The following PC variants were observed in gnomAD, a reference collection of about 807,000 sequenced individuals.
PC encodes the protein pyruvate carboxylase, mitochondrial.
In PC, 46 loss-of-function variants were observed where a neutral mutation model predicts 107.8. The ratio of observed to expected loss-of-function variants is 0.43; its 90% confidence interval spans 0.34 to 0.55. The LOEUF (loss-of-function observed/expected upper bound fraction) is 0.55, where lower values mean the gene tolerates loss of function less well. PC is among the 20% of genes least tolerant of loss of function. The probability of loss-of-function intolerance (pLI) is 0.04; values close to 1 mark genes in which losing one functional copy is unlikely to be tolerated. For synonymous variants in PC, 662 were observed against 684.7 expected, an observed-to-expected ratio of 0.97 and a Z score of 0.52; for missense variants, 1,241 against 1,643.1, an observed-to-expected ratio of 0.76 and a Z score of 4.23.
intron 9 of PC, 22 bp from the exon 10 acceptor site, chr11:66,868,986 C>T: frequency 1.3e-6 from 2 of 1,572,122 alleles, no homozygotes; most frequent in Non-Finnish European, 1.8e-6. Context: ...GCCACGTGAG[C>T]AGGGGAGGGC....
chr11:66,955,503 G>A (rs912885127), intron 1 of PC, among the ~76,000 whole-genome samples: 1 of 152,212 alleles, frequency 6.6e-6, no homozygotes, highest in Non-Finnish European at 1.5e-5. Context: ...GCGGGCTTCA[G>A]TAGAAAGACA....
chr11:66,943,878 A>G (rs568522096), intron 3 of PC, among the ~76,000 whole-genome samples: 3 of 148,396 alleles, frequency 2.0e-5, no homozygotes, highest in Non-Finnish European at 3.0e-5. Context: ...CAGCTAATAG[A>G]GAGGCTGAGG....
At chr11:66,860,311 C>T (rs1186156830) in intron 12 of PC, 6 of 1,420,270 alleles carry the variant, frequency 4.2e-6, no homozygotes, top group African/African-American at 2.8e-5. Context: ...CCTCAGGCTC[C>T]CCTGTGTACT....
chr11:66,948,012 A>AAGATAGATAGATAGAT (rs57087967), intron 3 of PC, among the ~76,000 whole-genome samples: 33 of 134,692 alleles, frequency 2.5e-4, no homozygotes, highest in East Asian at 6.6e-4. Context: ...ATCTCTACTA[A>AAGATAGATAGATAGAT]AGATAGATAG....
intron 12 of PC, chr11:66,860,524 A>G (rs1386772982): frequency 1.4e-6 from 1 of 701,998 alleles, no homozygotes; most frequent in Non-Finnish European, 2.6e-6. Context: ...ACGGGAGGAC[A>G]GGACACGGGC....
chr11:66,902,527 G>A (rs995992578), intron 3 of PC, among the ~76,000 whole-genome samples: 6 of 152,156 alleles, frequency 3.9e-5, no homozygotes, highest in African/African-American at 9.7e-5. Flanking sequence ...CTGTCTGCCC[G>A]TCATGCCGAG....
intron 3 of PC, among the ~76,000 whole-genome samples, chr11:66,930,279 G>A (rs374678780): frequency 9.2e-5 from 14 of 152,136 alleles, no homozygotes; most frequent in Admixed American, 3.9e-4. Context: ...CTACCTGGGC[G>A]ATCAGAAAAT....
Position 66,848,980 on chromosome 11 carries a change from G to A in PC, c.3456C>T (p.Pro1152=), listed in dbSNP as rs1371976510. Residue 1152 remains proline, a synonymous_variant, in exon 23 of 23, where the codon CCC becomes CCT. Coordinates refer to ENST00000393960, the MANE Select transcript of PC (RefSeq NM_001040716.2). ...AMKMETVVTS[P]MEGTVRKVHV... ...GAACCTTGCGGACAGTACCCTCCAT[G>A]GGTGAGGTCACCACAGTCTCCATCT... The A allele has an allele frequency of 1.2e-6, 2 of 1,614,076 alleles. No homozygotes were observed. The highest frequency in any genetic ancestry group is 1.1e-5 in the South Asian group (1 of 91,084).
chr11:66,903,802 A>C (rs560502297), intron 3 of PC, among the ~76,000 whole-genome samples: 1 of 139,266 alleles, frequency 7.2e-6, no homozygotes, highest in South Asian at 2.3e-4. Context: ...ACACACACCC[A>C]CACACACCCA....
At chr11:66,939,844 C>CA (rs1330025290) in intron 3 of PC, among the ~76,000 whole-genome samples, 231 of 88,732 alleles carry the variant, frequency 2.6e-3, no homozygotes, top group Middle Eastern at 0.011. Context: ...CAAGAAAAAA[C>CA]AAAAAAAAAA....
At chr11:66,864,271 C>G (rs149897982) in intron 11 of PC, among the ~76,000 whole-genome samples, 11 of 152,304 alleles carry the variant, frequency 7.2e-5, no homozygotes, top group African/African-American at 2.4e-4. Context: ...AGCCCTGCCT[C>G]TATTCCCACG....
At chr11:66,952,757 G>T (rs1949469724) in intron 2 of PC, among the ~76,000 whole-genome samples, 1 of 152,152 alleles carries the variant, frequency 6.6e-6, no homozygotes, top group East Asian at 1.9e-4. Context: ...TGGTCAGGCT[G>T]GTCTCGAACT....
Position 66,857,692 on chromosome 11 carries a change from G to T in PC, c.1369-4309C>A. On this transcript the variant is annotated intron_variant, in intron 12 of 22. Coordinates refer to ENST00000393960, the MANE Select transcript of PC (RefSeq NM_001040716.2). This position sits in a 1 kb window ranked among gnomAD's most constrained non-coding sequence, Gnocchi z 7.1. ...CTGTCCTGGGCCCAAGTGGGCACCT[G>T]CGCCAGCCCCACCTGTGCCTGGGCT... The T allele has an allele frequency of 6.5e-7, 1 of 1,534,552 alleles. No homozygotes were observed. The highest frequency in any genetic ancestry group is 8.7e-7 in the Non-Finnish European group (1 of 1,145,526).
chr11:66,861,433 G>A (rs1011409181), intron 12 of PC, among the ~76,000 whole-genome samples: 4 of 152,232 alleles, frequency 2.6e-5, no homozygotes, highest in African/African-American at 7.2e-5. Flanking sequence ...CGCTGCCACC[G>A]GGCAGCCGAG....
chr11:66,899,401 T>C (rs935894024), intron 3 of PC, among the ~76,000 whole-genome samples: 2 of 152,198 alleles, frequency 1.3e-5, no homozygotes, highest in Admixed American at 1.3e-4. Context: ...ATTATTGATT[T>C]TACTTGACAG....
At chr11:66,881,301 A>T (rs1947180880) in intron 3 of PC, among the ~76,000 whole-genome samples, 1 of 152,224 alleles carries the variant, frequency 6.6e-6, no homozygotes, top group Non-Finnish European at 1.5e-5. Context: ...ACCAAGAAAT[A>T]AGACAGCTTT....
rs752421759 is a variant in PC at position 66,870,286 on chromosome 11, G to A, written c.903+16C>T. The A allele has an allele frequency of 1.9e-6, 3 of 1,612,292 alleles. No homozygotes were observed. The South Asian group carries it at 3.3e-5, about 18-fold the overall frequency. ...AGCACAGGCTCCTGTCCCAACACGG[G>A]AAGCCCACCCTTCACCTGTTTAGCG... On this transcript the variant is annotated intron_variant, in intron 9 of 22. Transcript: ENST00000393960. The surrounding 1 kb of genome is among the most constrained non-coding windows in gnomAD (Gnocchi z 6.1).
At chr11:66,926,805 A>G (rs1301245377) in intron 3 of PC, among the ~76,000 whole-genome samples, 1 of 149,592 alleles carries the variant, frequency 6.7e-6, no homozygotes, top group East Asian at 2.0e-4. Flanking sequence ...AATGTCATAT[A>G]GTATGTGACC....
Position 66,871,361 on chromosome 11 carries a change from G to T in PC, c.441C>A (p.Arg147=). 1 of 1,613,866 alleles carries T rather than the reference G, an allele frequency of 6.2e-7. No individual in the cohort carries two copies. Among genetic ancestry groups the T allele is most frequent in the Non-Finnish European group, 8.5e-7 (1 of 1,180,032 alleles). The change falls in exon 6 of 23, where the codon CGC becomes CGA. Residue 147 remains arginine, a synonymous_variant. Coordinates refer to ENST00000393960, the MANE Select transcript of PC (RefSeq NM_001040716.2). The surrounding 1 kb of genome is among the most constrained non-coding windows in gnomAD (Gnocchi z 7.4). ...RFIGPSPEVV[R]KMGDKVEARA... The stretch of plus-strand genomic sequence containing the variant: ...GGGCCTCCACCTTGTCTCCCATCTT[G>T]CGGACCACTTCTGGGCTTGGCCCAA...
Sources: gnomAD v4.1 joint callset for allele counts (sites outside exome capture counted in the v4.1 genomes callset) on GRCh38, gnomAD v4.1.1 for gene constraint, Gnocchi (gnomAD v3.1) non-coding constraint, MANE v1.5 for transcripts, NCBI Gene and HGNC (gene_info 2026-07-23, HGNC 2026-07-21) for gene names.